GPM6A: variants seen among roughly 807,000 people sequenced by gnomAD.
GPM6A encodes neuronal membrane glycoprotein M6-a.
GPM6A carries 7 observed loss-of-function variants against 32.1 expected under a neutral mutation model. The ratio of observed to expected loss-of-function variants is 0.22; its 90% confidence interval spans 0.12 to 0.41. GPM6A has a LOEUF of 0.41. GPM6A is among the 10% of genes least tolerant of loss of function. The pLI is 1.00. For synonymous variants in GPM6A, 130 were observed against 123.4 expected, an observed-to-expected ratio of 1.05 and a Z score of -0.35; for missense variants, 235 against 347.2, an observed-to-expected ratio of 0.68 and a Z score of 2.57.
chr4:175,845,514 A>G (rs886250892), intron 1 of GPM6A, among the ~76,000 whole-genome samples: 8 of 152,108 alleles, frequency 5.3e-5, no homozygotes, highest in African/African-American at 1.9e-4. Flanking sequence ...CTATGCATAT[A>G]TAGAGTTACC....
intron 1 of GPM6A, among the ~76,000 whole-genome samples, chr4:175,932,018 C>A (rs34514843): frequency 5.3e-5 from 8 of 150,948 alleles, no homozygotes; most frequent in Non-Finnish European, 1.0e-4. Flanking sequence ...TCACTTGAAC[C>A]CAGGAATTCA....
chr4:175,913,155 G>T (rs555645562), intron 1 of GPM6A, among the ~76,000 whole-genome samples: 2 of 152,062 alleles, frequency 1.3e-5, no homozygotes, highest in Admixed American at 6.5e-5. Context: ...GCATTGTTCT[G>T]GTGTCATTTC....
At chr4:175,760,755 A>G (rs892201495) in intron 1 of GPM6A, among the ~76,000 whole-genome samples, 1 of 152,092 alleles carries the variant, frequency 6.6e-6, no homozygotes, top group African/African-American at 2.4e-5. Flanking sequence ...AGAGAGAGAA[A>G]TAGATACAGA....
chr4:175,684,144 T>C (rs557372286), intron 2 of GPM6A, among the ~76,000 whole-genome samples: 2 of 152,160 alleles, frequency 1.3e-5, no homozygotes, highest in South Asian at 2.1e-4. Flanking sequence ...TTTTTTAATA[T>C]ATATACATTA....
In GPM6A at chr4:175,979,278, C is replaced by T. The variant is rs1458514606; in HGVS notation, c.-23+23031G>A. On this transcript the variant is annotated intron_variant, in intron 1 of 7. Transcript: ENST00000280187. Reference sequence around the variant, plus strand: ...TTTATATTACTGAATATTTAATCACCATACTGCCTGAAAGGTTATTTAAAC... The same window carrying T: ...TTTATATTACTGAATATTTAATCACTATACTGCCTGAAAGGTTATTTAAAC... 2.7e-5 allele frequency among the ~76,000 whole-genome samples: 4 copies of T among 150,650 alleles called. No individual in the cohort carries two copies. In the East Asian group the frequency reaches 7.8e-4, roughly 29 times the overall value.
intron 1 of GPM6A, among the ~76,000 whole-genome samples, chr4:175,976,772 C>T (rs939289230): frequency 1.3e-5 from 2 of 152,126 alleles, no homozygotes; most frequent in East Asian, 1.9e-4. Context: ...ATCATTGTAA[C>T]GGTACAAGTG....
Position 175,832,330 on chromosome 4 carries a change from T to C in GPM6A, c.-22-20081A>G, listed in dbSNP as rs77520144. On this transcript the variant is annotated intron_variant, in intron 1 of 7. Transcript: ENST00000280187. ...ACCTCAGCTAAACAAGAAAGTAGTATTTTTTTCTTTATAAAGACAAGGAGG... is the reference window on the plus strand; with the variant it reads ...ACCTCAGCTAAACAAGAAAGTAGTACTTTTTTCTTTATAAAGACAAGGAGG... Among the ~76,000 whole-genome samples the C allele has an allele frequency of 4.1e-4, 62 of 152,278 alleles. 1 individual carries two copies. Among genetic ancestry groups the C allele is most frequent in the African/African-American group, 1.4e-3 (60 of 41,562 alleles).
chr4:175,640,042 A>G, intron 6 of GPM6A, 87 bp downstream of exon 6: 4 of 1,088,138 alleles, frequency 3.7e-6, no homozygotes, highest in Non-Finnish European at 4.3e-6. Flanking sequence ...CATGAACTTC[A>G]AACTTTAGAG....
At chr4:175,715,679 C>T (rs1468882024) in intron 1 of GPM6A, among the ~76,000 whole-genome samples, 1 of 151,868 alleles carries the variant, frequency 6.6e-6, no homozygotes, top group African/African-American at 2.4e-5. Flanking sequence ...TTTTCCATAA[C>T]ACTTATCACC....
chr4:175,788,954 TGG>T (rs1733905027), intron 1 of GPM6A, among the ~76,000 whole-genome samples: 1 of 152,160 alleles, frequency 6.6e-6, no homozygotes, highest in African/African-American at 2.4e-5. Context: ...GAAACACTGC[TGG>T]TTTCATTTAC....
intron 1 of GPM6A, among the ~76,000 whole-genome samples, chr4:175,837,825 A>G (rs965946761): frequency 1.3e-5 from 2 of 152,130 alleles, no homozygotes; most frequent in African/African-American, 4.8e-5. Context: ...CTAGATTATA[A>G]GCTTGGAGAT....
Position 175,936,104 on chromosome 4 carries a change from G to T in GPM6A, c.-23+66205C>A, listed in dbSNP as rs181639523. Among the ~76,000 whole-genome samples, 588 of 151,528 alleles carry T rather than the reference G, an allele frequency of 3.9e-3. 6 individuals are homozygous for T. Among genetic ancestry groups the T allele is most frequent in the African/African-American group, 0.014 (569 of 41,408 alleles). On this transcript the variant is annotated intron_variant, in intron 1 of 7. Coordinates refer to the GPM6A transcript ENST00000280187. ...GTGGATCATGAGGTCAGGTGATCGAGACCATCCTGGCTAACACGGTGAAAC... is the reference window on the plus strand; with the variant it reads ...GTGGATCATGAGGTCAGGTGATCGATACCATCCTGGCTAACACGGTGAAAC...
intron 1 of GPM6A, among the ~76,000 whole-genome samples, chr4:175,794,700 T>C (rs542673550): frequency 6.6e-6 from 1 of 152,284 alleles, no homozygotes; most frequent in East Asian, 1.9e-4. Context: ...GAAGCACTGA[T>C]TGAGGCATGG....
At chr4:175,839,604 CTTTTT>C (rs964949896) in intron 1 of GPM6A, among the ~76,000 whole-genome samples, 2 of 151,204 alleles carry the variant, frequency 1.3e-5, no homozygotes, top group Non-Finnish European at 3.0e-5. Flanking sequence ...ATAAAAAACA[CTTTTT>C]TTTTAAAATG....
rs1283688729 is a variant in GPM6A at position 175,926,415 on chromosome 4, T to C, written c.-23+75894A>G. On this transcript the variant is annotated intron_variant, in intron 1 of 7. Transcript: ENST00000280187. ...TAAATTCTCTGTATTTAGAAATATA[T>C]TGGATTGTGGGAAGAATCTTTCAAT... Among the ~76,000 whole-genome samples, 4 of 152,306 alleles carry C rather than the reference T, an allele frequency of 2.6e-5. No homozygotes were observed. The East Asian group carries it at 7.7e-4, about 29-fold the overall frequency.
intron 1 of GPM6A, among the ~76,000 whole-genome samples, chr4:175,783,223 A>G (rs1455616752): frequency 2.0e-5 from 3 of 151,894 alleles, no homozygotes; most frequent in Non-Finnish European, 2.9e-5. Context: ...TTGTCACCCT[A>G]TTTTCATCTA....
chr4:175,676,950 T>C (rs1305214777), intron 2 of GPM6A, among the ~76,000 whole-genome samples: 5 of 152,182 alleles, frequency 3.3e-5, no homozygotes, highest in African/African-American at 9.6e-5. Context: ...TTTTTCCCAA[T>C]TAAAACTGGT....
intron 1 of GPM6A, among the ~76,000 whole-genome samples, chr4:175,964,401 C>T (rs528002310): frequency 7.9e-5 from 12 of 152,178 alleles, no homozygotes; most frequent in Admixed American, 2.0e-4. Context: ...TATATTAGTT[C>T]GCAGGGGCTA....
chr4:175,775,476 C>G (rs1352788808), intron 1 of GPM6A, among the ~76,000 whole-genome samples: 1 of 152,034 alleles, frequency 6.6e-6, no homozygotes, highest in East Asian at 1.9e-4. Context: ...ACTAAAAACC[C>G]TAGATTTTTC....
Sources: gnomAD v4.1 joint callset for allele counts (sites outside exome capture counted in the v4.1 genomes callset) on GRCh38, gnomAD v4.1.1 for gene constraint, MANE v1.5 for transcripts, NCBI Gene and HGNC (gene_info 2026-07-23, HGNC 2026-07-21) for gene names.